Variants in GRIN2A observed in about 807,000 individuals in gnomAD.
GRIN2A encodes the protein glutamate ionotropic receptor NMDA type subunit 2A.
GRIN2A carries 22 observed loss-of-function variants against 113.4 expected under a neutral mutation model. That is an observed-to-expected ratio of 0.19 (90% CI 0.14 to 0.28). GRIN2A has a LOEUF of 0.28. Among genes scored for constraint, GRIN2A ranks in the 10% least tolerant of loss-of-function variants. The pLI, the probability that GRIN2A is intolerant of heterozygous loss-of-function variation, is 1.00. For synonymous variants in GRIN2A, 827 were observed against 738.4 expected (o/e 1.12, Z -1.94); for missense variants, 1,502 against 1,887.0 (o/e 0.80, Z 3.78).
chr16:9,769,143 G>A (rs1183296275), intron 11 of GRIN2A, 54 bp from the exon 12 acceptor site: 2 of 1,363,296 alleles, frequency 1.5e-6, no homozygotes, highest in Non-Finnish European at 2.1e-6. Flanking sequence ...GCACTTTGGG[G>A]CAGACGCTTC....
intron 3 of GRIN2A, among the ~76,000 whole-genome samples, chr16:9,897,220 T>TGTACATATTTTATATATA (rs936935843): frequency 1.5e-4 from 12 of 81,384 alleles, no homozygotes; most frequent in African/African-American, 8.5e-4. Flanking sequence ...TTTATATATA[T>TGTACATATTTTATATATA]AAAAAAATAC....
At chr16:9,980,209 G>T (rs556175331) in intron 2 of GRIN2A, among the ~76,000 whole-genome samples, 4 of 151,036 alleles carry the variant, frequency 2.6e-5, no homozygotes, top group African/African-American at 9.7e-5. Context: ...AGAGGCAGAG[G>T]TTGCAGTGAG....
intron 2 of GRIN2A, among the ~76,000 whole-genome samples, chr16:10,025,950 C>T (rs2046811629): frequency 6.6e-6 from 1 of 152,174 alleles, no homozygotes; most frequent in South Asian, 2.1e-4. Flanking sequence ...GGAAGTCAGG[C>T]ACAGCGAGCT....
intron 11 of GRIN2A, among the ~76,000 whole-genome samples, chr16:9,778,379 C>T (rs981231632): frequency 6.6e-6 from 1 of 152,208 alleles, no homozygotes; most frequent in Non-Finnish European, 1.5e-5. Flanking sequence ...AAGGCACATG[C>T]ATTTGTGAGC....
At chr16:9,874,241 G>A (rs1245590105) in intron 4 of GRIN2A, among the ~76,000 whole-genome samples, 1 of 152,128 alleles carries the variant, frequency 6.6e-6, no homozygotes, top group African/African-American at 2.4e-5. Flanking sequence ...TTTAAAGCAC[G>A]TTTTCAAAAG....
intron 2 of GRIN2A, among the ~76,000 whole-genome samples, chr16:9,990,869 C>T (rs1268024380): frequency 6.6e-6 from 1 of 152,088 alleles, no homozygotes; most frequent in African/African-American, 2.4e-5. Context: ...GAGTTTGAGA[C>T]CAGCCTGGCC....
chr16:10,046,328 G>GC (rs2047256961), intron 2 of GRIN2A, among the ~76,000 whole-genome samples: 1 of 145,800 alleles, frequency 6.9e-6, no homozygotes, highest in African/African-American at 2.5e-5. Context: ...TTTTTAAATT[G>GC]TTTTTTTTTT....
chr16:10,051,199 G>C (rs2047353334), intron 2 of GRIN2A, among the ~76,000 whole-genome samples: 1 of 152,150 alleles, frequency 6.6e-6, no homozygotes, highest in African/African-American at 2.4e-5. Flanking sequence ...GGTGCTATAA[G>C]GTCATGACTA....
chr16:9,842,555 A>G (rs1437642751), intron 5 of GRIN2A, among the ~76,000 whole-genome samples: 3 of 152,236 alleles, frequency 2.0e-5, no homozygotes, highest in Non-Finnish European at 4.4e-5. Flanking sequence ...ATATGAAAAA[A>G]GTAGGTTACA....
Position 9,975,357 on chromosome 16 carries a change from T to C in GRIN2A, c.415-36806A>G, listed in dbSNP as rs1055170267. 6.6e-5 allele frequency among the ~76,000 whole-genome samples: 10 copies of C among 152,156 alleles called. No homozygotes were observed. In the South Asian group the frequency reaches 1.9e-3, roughly 28 times the overall value. The stretch of plus-strand genomic sequence containing the variant: ...CCATGGATCCTACTCACAAGTCCCC[T>C]GAAAAACAGAGAACTTTCTCCAGCT... On this transcript the variant is annotated intron_variant, in intron 2 of 12. Coordinates refer to ENST00000330684, the MANE Select transcript of GRIN2A (RefSeq NM_001134407.3).
At chr16:9,812,138 C>T (rs1388697816) in intron 10 of GRIN2A, among the ~76,000 whole-genome samples, 2 of 152,170 alleles carry the variant, frequency 1.3e-5, no homozygotes, top group Non-Finnish European at 2.9e-5. Flanking sequence ...TACATTGTGA[C>T]TCAAAGCAGG....
intron 10 of GRIN2A, among the ~76,000 whole-genome samples, chr16:9,811,365 GTCC>G (rs1190985519): frequency 6.6e-6 from 1 of 152,192 alleles, no homozygotes; most frequent in Non-Finnish European, 1.5e-5. Context: ...GAACTTCAGT[GTCC>G]TCCTCTATAA....
At chr16:9,782,988 C>T (rs1902018471) in intron 11 of GRIN2A, among the ~76,000 whole-genome samples, 2 of 152,186 alleles carry the variant, frequency 1.3e-5, no homozygotes, top group South Asian at 4.1e-4. Context: ...TGACATATCT[C>T]TTATTTGAAA....
At chr16:9,947,629 A>G (rs1337051309) in intron 2 of GRIN2A, among the ~76,000 whole-genome samples, 1 of 152,218 alleles carries the variant, frequency 6.6e-6, no homozygotes, top group African/African-American at 2.4e-5. Flanking sequence ...AAGTTCCAGA[A>G]GAAATTGCTT....
chr16:9,982,412 T>C (rs1415105035), intron 2 of GRIN2A, among the ~76,000 whole-genome samples: 2 of 152,230 alleles, frequency 1.3e-5, no homozygotes, highest in Non-Finnish European at 2.9e-5. Flanking sequence ...AATGTAGGGA[T>C]ATTCCAATTC....
rs201462265 is a variant in GRIN2A, at chr16:9,764,960, C to A, written c.2596-12G>T. ...CAGCTGTAGATGCCCTGTAGGGGAG[C>A]AACATAAAGCACTGTCAGCAGCAGC... On this transcript the variant is annotated splice_polypyrimidine_tract_variant and intron_variant, in intron 12 of 12. Transcript: ENST00000330684. 6.2e-7 allele frequency: 1 copy of A among 1,613,842 alleles called. No homozygotes were observed. The highest frequency in any genetic ancestry group is 1.1e-5 in the South Asian group (1 of 91,064).
At chr16:10,063,986 T>C (rs560224058) in intron 2 of GRIN2A, among the ~76,000 whole-genome samples, 40 of 152,302 alleles carry the variant, frequency 2.6e-4, no homozygotes, top group South Asian at 1.7e-3. Context: ...TCTGGGATTT[T>C]ATGTCTCAGC....
intron 2 of GRIN2A, among the ~76,000 whole-genome samples, chr16:10,017,746 G>A (rs549402524): frequency 6.6e-6 from 1 of 151,898 alleles, no homozygotes; most frequent in Admixed American, 6.6e-5. Flanking sequence ...CATTTAAGAG[G>A]GTGATAAATG....
intron 2 of GRIN2A, among the ~76,000 whole-genome samples, chr16:10,063,976 T>C (rs894702997): frequency 1.8e-4 from 28 of 152,128 alleles, no homozygotes; most frequent in African/African-American, 6.3e-4. Context: ...CTTCTAGAAT[T>C]CTGGGATTTT....
Sources: allele counts gnomAD v4.1 joint callset (sites outside exome capture counted in the v4.1 genomes callset), GRCh38; gene constraint gnomAD v4.1.1; transcripts MANE v1.5; gene names NCBI Gene and HGNC (gene_info 2026-07-23, HGNC 2026-07-21).